The following PTPRD variants were observed in gnomAD, a reference collection of about 807,000 sequenced individuals.
The protein encoded by PTPRD is protein tyrosine phosphatase receptor type D.
PTPRD carries 34 observed loss-of-function variants against 214.5 expected under a neutral mutation model. That is an observed-to-expected ratio of 0.16 (90% CI 0.12 to 0.21). PTPRD has a LOEUF of 0.21. PTPRD is among the 10% of genes least tolerant of loss of function. PTPRD has a pLI of 1.00. For missense variants in PTPRD, 2,545 were observed against 2,398.7 expected, an observed-to-expected ratio of 1.06 and a Z score of -1.27; for synonymous variants, 1,128 against 845.7, an observed-to-expected ratio of 1.33 and a Z score of -5.79.
At chr9:8,521,930 A>T (rs1264143857) in intron 19 of PTPRD, among the ~76,000 whole-genome samples, 1 of 152,212 alleles carries the variant, frequency 6.6e-6, no homozygotes, top group Non-Finnish European at 1.5e-5. Context: ...AGGGGGCTGG[A>T]AGGTCACCAG....
chr9:10,054,208 T>C (rs369549899), intron 3 of PTPRD, among the ~76,000 whole-genome samples: 4 of 152,188 alleles, frequency 2.6e-5, no homozygotes, highest in African/African-American at 7.2e-5. Flanking sequence ...TTGACAGATA[T>C]GTGGTAATGA....
At chr9:8,472,872 G>A (rs1214159269) in intron 30 of PTPRD, among the ~76,000 whole-genome samples, 5 of 152,122 alleles carry the variant, frequency 3.3e-5, no homozygotes, top group African/African-American at 1.2e-4. Context: ...CTGGCTGGGA[G>A]TTTGGGCTGA....
chr9:9,714,385 C>G (rs1286840563), intron 7 of PTPRD, among the ~76,000 whole-genome samples: 1 of 152,186 alleles, frequency 6.6e-6, no homozygotes, highest in East Asian at 1.9e-4. Flanking sequence ...ATAGCCATAT[C>G]ATTCTTGGCA....
At chr9:9,650,218 C>T (rs2096299693) in intron 7 of PTPRD, among the ~76,000 whole-genome samples, 1 of 152,148 alleles carries the variant, frequency 6.6e-6, no homozygotes, top group African/African-American at 2.4e-5. Context: ...TGCCTTGCTT[C>T]CCCATTGCCT....
intron 12 of PTPRD, among the ~76,000 whole-genome samples, chr9:8,663,246 T>C (rs1404051410): frequency 6.6e-6 from 1 of 151,824 alleles, no homozygotes; most frequent in East Asian, 1.9e-4. Flanking sequence ...TCTTGTTTTT[T>C]TTCTTTCCAA....
intron 35 of PTPRD, 60 bp from the exon 36 acceptor site, chr9:8,404,720 G>A (rs1204127557): frequency 6.5e-7 from 1 of 1,536,914 alleles, no homozygotes; most frequent in Non-Finnish European, 8.8e-7. Flanking sequence ...CAGATTATAG[G>A]CATTTATCAC....
At chr9:9,954,297 C>CAAAAAAAAAAA (rs781628679) in intron 4 of PTPRD, among the ~76,000 whole-genome samples, 2 of 53,750 alleles carry the variant, frequency 3.7e-5, no homozygotes, top group African/African-American at 5.1e-5. Context: ...TGTCTCAAAA[C>CAAAAAAAAAAA]AAAAAAAAAA....
chr9:9,260,475 T>C (rs1474625270), intron 9 of PTPRD, among the ~76,000 whole-genome samples: 1 of 151,952 alleles, frequency 6.6e-6, no homozygotes, highest in Non-Finnish European at 1.5e-5. Flanking sequence ...ATATGTACAA[T>C]AGCGCCTCTT....
intron 4 of PTPRD, among the ~76,000 whole-genome samples, chr9:9,959,667 G>A (rs1394596000): frequency 6.6e-6 from 1 of 152,128 alleles, no homozygotes; most frequent in Non-Finnish European, 1.5e-5. Flanking sequence ...GCAAAAGGAG[G>A]TGCACAAAAA....
At chr9:8,527,879 A>C (rs890356126) in intron 15 of PTPRD, among the ~76,000 whole-genome samples, 7 of 152,132 alleles carry the variant, frequency 4.6e-5, no homozygotes, top group Admixed American at 6.6e-5. Flanking sequence ...AGGGTTCAAA[A>C]ACCTTGACGG....
At chr9:8,572,933 G>C (rs2091533586) in intron 14 of PTPRD, among the ~76,000 whole-genome samples, 1 of 151,922 alleles carries the variant, frequency 6.6e-6, no homozygotes, top group Admixed American at 6.6e-5. Flanking sequence ...TCAAAAGCTG[G>C]TTAAATATTC....
intron 4 of PTPRD, among the ~76,000 whole-genome samples, chr9:9,989,686 C>A (rs571100071): frequency 1.3e-5 from 2 of 152,312 alleles, no homozygotes; most frequent in East Asian, 3.9e-4. Context: ...GTCGCATTGA[C>A]TCTCCACTGA....
intron 7 of PTPRD, among the ~76,000 whole-genome samples, chr9:9,656,789 T>C (rs986379842): frequency 1.3e-5 from 2 of 152,060 alleles, no homozygotes; most frequent in African/African-American, 4.8e-5. Context: ...TGTGTTGACA[T>C]AGGTTCATCA....
chr9:8,751,656 A>G (rs1398332738), intron 11 of PTPRD, among the ~76,000 whole-genome samples: 1 of 152,122 alleles, frequency 6.6e-6, no homozygotes, highest in South Asian at 2.1e-4. Context: ...TTTCAGTCTT[A>G]GTTATCTTTT....
chr9:9,440,052 A>G (rs1367085086), intron 8 of PTPRD, among the ~76,000 whole-genome samples: 1 of 152,194 alleles, frequency 6.6e-6, no homozygotes, highest in Non-Finnish European at 1.5e-5. Context: ...GCAGTCTAGA[A>G]ACCATAAAAA....
At chr9:8,321,487 G>GTGTGTATATATATATATATATATA (rs1168847469) in intron 44 of PTPRD, among the ~76,000 whole-genome samples, 1 of 44,540 alleles carries the variant, frequency 2.2e-5, no homozygotes, top group Non-Finnish European at 3.9e-5. Context: ...GTGTGTGTGT[G>GTGTGTATATATATATATATATATA]TATATATATA....
chr9:9,220,977 C>T lies in PTPRD; in HGVS notation c.-202-37614G>A, dbSNP rs550835136. Among the ~76,000 whole-genome samples, 249 of 152,120 alleles carry T rather than the reference C, an allele frequency of 1.6e-3. 1 individual carries two copies. Among genetic ancestry groups the T allele is most frequent in the African/African-American group, 5.8e-3 (242 of 41,532 alleles). On this transcript the variant is annotated intron_variant, in intron 9 of 45. Transcript: ENST00000381196. ...TTGGCAGCAGCCAGGATGCCCACCT[C>T]CATATTCTGAGAGGTAAAAGAGCCA...
rs374671268 is a variant in PTPRD, at chr9:10,297,049, T to C, written c.-545+43914A>G. ...GCCCCTAATAACACAGTATGGTAAA[T>C]CTGAGTTTCCAGGGAACATAGAGCA... On this transcript the variant is annotated intron_variant, in intron 3 of 45. Transcript: ENST00000381196. Among the ~76,000 whole-genome samples, 3 of 150,226 alleles carry C rather than the reference T, an allele frequency of 2.0e-5. No individual in the cohort carries two copies. In the East Asian group the frequency reaches 5.8e-4, roughly 29 times the overall value.
At chr9:9,123,538 A>G (rs2099819623) in intron 10 of PTPRD, among the ~76,000 whole-genome samples, 2 of 152,188 alleles carry the variant, frequency 1.3e-5, no homozygotes, top group South Asian at 4.1e-4. Context: ...ATATGTACAG[A>G]GAAACATTTT....
Sources: allele counts gnomAD v4.1 joint callset (sites outside exome capture counted in the v4.1 genomes callset), GRCh38; gene constraint gnomAD v4.1.1; transcripts MANE v1.5; gene names NCBI Gene and HGNC (gene_info 2026-07-23, HGNC 2026-07-21).